Variants in PRKCA observed in about 807,000 individuals in gnomAD.
The protein encoded by PRKCA is protein kinase C alpha, also known as protein kinase C alpha type.
A neutral mutation model predicts 87.0 loss-of-function variants in PRKCA; 27 were observed. The observed-to-expected ratio is 0.31, with a 90% CI of 0.23 to 0.43. PRKCA has a LOEUF of 0.43. PRKCA is among the 20% of genes least tolerant of loss of function. The pLI is 1.00. For synonymous variants in PRKCA, 329 were observed against 311.1 expected (o/e 1.06, Z -0.61); for missense variants, 518 against 852.3 (o/e 0.61, Z 4.88).
chr17:66,306,324 T>C (rs1340447946), intron 2 of PRKCA, 197 bp downstream of exon 2: 1 of 395,004 alleles, frequency 2.5e-6, no homozygotes, highest in South Asian at 1.0e-4. Flanking sequence ...CTTTTTCTCA[T>C]TGGAAAAAAA....
At chr17:66,642,812 G>A (rs1004274854) in intron 4 of PRKCA, among the ~76,000 whole-genome samples, 1 of 152,136 alleles carries the variant, frequency 6.6e-6, no homozygotes, top group Non-Finnish European at 1.5e-5. Flanking sequence ...GGAGGCCGAG[G>A]CGGGAGGATC....
chr17:66,312,144 G>A (rs1428286082), intron 2 of PRKCA, among the ~76,000 whole-genome samples: 3 of 152,110 alleles, frequency 2.0e-5, no homozygotes, highest in Non-Finnish European at 4.4e-5. Context: ...ACCATGCCCA[G>A]CTAATTTTTG....
chr17:66,659,138 T>C (rs943607523), intron 5 of PRKCA, among the ~76,000 whole-genome samples: 3 of 152,168 alleles, frequency 2.0e-5, no homozygotes, highest in African/African-American at 4.8e-5. Context: ...GGCATTTTGT[T>C]GAGAGCTGTT....
intron 2 of PRKCA, among the ~76,000 whole-genome samples, chr17:66,421,448 T>A (rs9904036): frequency 0.053 from 6,781 of 127,554 alleles, 380 homozygotes; most frequent in African/African-American, 0.14. Flanking sequence ...TTTTTTTTTT[T>A]ATAGCTCTAT....
chr17:66,696,767 T>C (rs1972932758), intron 8 of PRKCA, among the ~76,000 whole-genome samples: 1 of 152,268 alleles, frequency 6.6e-6, no homozygotes, highest in Non-Finnish European at 1.5e-5. Context: ...ACCCGAATTC[T>C]GCTATCTTGA....
intron 2 of PRKCA, among the ~76,000 whole-genome samples, chr17:66,448,926 T>C (rs1197890694): frequency 6.6e-6 from 1 of 151,114 alleles, no homozygotes; most frequent in Non-Finnish European, 1.5e-5. Context: ...CTTTTTTTTG[T>C]AGTATTCATA....
chr17:66,534,165 AGC>A (rs932675338), intron 3 of PRKCA, among the ~76,000 whole-genome samples: 7 of 145,994 alleles, frequency 4.8e-5, no homozygotes, highest in African/African-American at 1.3e-4. Flanking sequence ...TCTTTGTTGG[AGC>A]CAAGTTTTTG....
intron 2 of PRKCA, among the ~76,000 whole-genome samples, chr17:66,324,447 C>CAAAAAAAAAA (rs61047065): frequency 1.2e-4 from 11 of 90,610 alleles, no homozygotes; most frequent in Non-Finnish European, 1.7e-4. Flanking sequence ...ACTAAAAATA[C>CAAAAAAAAAA]AAAAAAAAAA....
At chr17:66,353,888 CTT>C (rs113741054) in intron 2 of PRKCA, among the ~76,000 whole-genome samples, 134 of 148,278 alleles carry the variant, frequency 9.0e-4, no homozygotes, top group Non-Finnish European at 1.6e-3. Flanking sequence ...TCACTGGGAA[CTT>C]TTTTTTTTTC....
At chr17:66,390,853 A>G (rs1304627699) in intron 2 of PRKCA, among the ~76,000 whole-genome samples, 3 of 152,280 alleles carry the variant, frequency 2.0e-5, no homozygotes, top group African/African-American at 4.8e-5. Context: ...AGGGCGGTGC[A>G]GACTGACCCA....
At position 66,500,699 on chromosome 17, in the gene PRKCA, C is replaced by A. The variant is rs193029063; in HGVS notation, c.288+4416C>A. ...TGACTGGATTGTGCTGCCAGTGGAG[C>A]ACATTGACAGCTATTCCTTGGTGCA... is the stretch of plus-strand genomic sequence containing the variant. On this transcript the variant is annotated intron_variant, in intron 3 of 16. Coordinates refer to ENST00000413366, the MANE Select transcript of PRKCA (RefSeq NM_002737.3). Among the ~76,000 whole-genome samples the A allele has an allele frequency of 6.4e-3, 972 of 152,260 alleles. 31 individuals carry two copies. The highest frequency in any genetic ancestry group is 0.055 in the Admixed American group (842 of 15,276).
intron 2 of PRKCA, among the ~76,000 whole-genome samples, chr17:66,319,026 T>G (rs928221714): frequency 1.3e-5 from 2 of 152,048 alleles, no homozygotes; most frequent in African/African-American, 4.8e-5. Flanking sequence ...TCCCAGCTAC[T>G]TTGGAAGTGG....
chr17:66,673,939 T>G (rs77640669), intron 5 of PRKCA, among the ~76,000 whole-genome samples: 8,027 of 152,336 alleles, frequency 0.053, 286 homozygotes, highest in Admixed American at 0.077. Context: ...CCACTCCTTT[T>G]GGCCTGGCTT....
chr17:66,767,105 A>T (rs1280189304), intron 13 of PRKCA, among the ~76,000 whole-genome samples: 1 of 152,194 alleles, frequency 6.6e-6, no homozygotes, highest in Non-Finnish European at 1.5e-5. Context: ...TCAGTTCCAC[A>T]TATTAATTGA....
At chr17:66,760,992 A>T (rs888159717) in intron 13 of PRKCA, among the ~76,000 whole-genome samples, 1 of 152,172 alleles carries the variant, frequency 6.6e-6, no homozygotes, top group African/African-American at 2.4e-5. Context: ...ATAGATTTTA[A>T]AGCACTTTCA....
chr17:66,765,498 A>G (rs936991480), intron 13 of PRKCA, among the ~76,000 whole-genome samples: 1 of 142,198 alleles, frequency 7.0e-6, no homozygotes, highest in Admixed American at 7.1e-5. Flanking sequence ...ATTTGTCTTT[A>G]TATATATATG....
rs1916473431 is a variant in PRKCA at position 66,496,344 on chromosome 17, A to C, written c.288+61A>C. ...TGGATTTCTGAGCTTTAATTTTTTT[A>C]ACGCCTGTGCAACTGTTAGTTTTGG... On this transcript the variant is annotated intron_variant, in intron 3 of 16. Transcript: ENST00000413366. The C allele has an allele frequency of 2.1e-6, 3 of 1,411,826 alleles. No homozygotes were observed. The East Asian group carries it at 6.8e-5, about 32-fold the overall frequency. 87.5% of individuals were successfully genotyped at this position (1,411,826 alleles called of 1,614,324 possible). A position where few individuals can be genotyped will look rare whatever the true frequency, so the allele number is the denominator to read the frequency against.
intron 2 of PRKCA, among the ~76,000 whole-genome samples, chr17:66,470,954 G>A (rs1002657325): frequency 1.3e-5 from 2 of 151,298 alleles, no homozygotes; most frequent in Admixed American, 1.3e-4. Context: ...AAAGAAATAT[G>A]CCCTTTTCTT....
At chr17:66,552,288 C>A (rs1968359216) in intron 3 of PRKCA, among the ~76,000 whole-genome samples, 1 of 152,122 alleles carries the variant, frequency 6.6e-6, no homozygotes, top group Non-Finnish European at 1.5e-5. Flanking sequence ...ATAGCTAAGA[C>A]CCTGTCTCCA....
Sources: allele counts gnomAD v4.1 joint callset (sites outside exome capture counted in the v4.1 genomes callset), GRCh38; gene constraint gnomAD v4.1.1; transcripts MANE v1.5; gene names NCBI Gene and HGNC (gene_info 2026-07-23, HGNC 2026-07-21).